The following SDK1 variants were observed in gnomAD, a reference collection of about 807,000 sequenced individuals.
SDK1 encodes the protein protein sidekick-1.
A neutral mutation model predicts 245.5 loss-of-function variants in SDK1; 157 were observed. The ratio of observed to expected loss-of-function variants is 0.64; its 90% CI spans 0.56 to 0.73. The LOEUF (loss-of-function observed/expected upper bound fraction) is 0.73. Among genes scored for constraint, SDK1 ranks in the 30% least tolerant of loss-of-function variants. The pLI, the probability that SDK1 is intolerant of heterozygous loss-of-function variation, is 0.00. For synonymous variants in SDK1, 1,647 were observed against 1,278.5 expected, an observed-to-expected ratio of 1.29 and a Z score of -6.15; for missense variants, 3,583 against 3,002.3, an observed-to-expected ratio of 1.19 and a Z score of -4.52.
rs553666335 is a variant in SDK1 at position 4,120,625 on chromosome 7, T to G, written c.3823+6351T>G. 1.0e-4 allele frequency among the ~76,000 whole-genome samples: 14 copies of G among 139,800 alleles called. 1 individual carries two copies. In the South Asian group the frequency reaches 3.4e-3, roughly 33 times the overall value. The allele number at this position is 139,800 out of a possible 152,430, so 91.7% of individuals were successfully genotyped here. A position where few individuals can be genotyped will look rare whatever the true frequency, so the allele number is the denominator to read the frequency against. ...GTTTTGATAATTTTTCAAATAATAC[T>G]CTTTTTTTTGAGGTGGAGTCTCACT... On this transcript the variant is annotated intron_variant, in intron 25 of 44. Coordinates refer to ENST00000404826, the MANE Select transcript of SDK1 (RefSeq NM_152744.4).
intron 4 of SDK1, among the ~76,000 whole-genome samples, chr7:3,798,633 C>G (rs899531299): frequency 1.2e-4 from 18 of 152,146 alleles, no homozygotes; most frequent in Non-Finnish European, 7.3e-5. Flanking sequence ...CACTTGGCGT[C>G]AACATGACTT....
chr7:3,824,711 A>G (rs1779729196), intron 5 of SDK1, among the ~76,000 whole-genome samples: 1 of 152,184 alleles, frequency 6.6e-6, no homozygotes, highest in Non-Finnish European at 1.5e-5. Context: ...CCCCTTTTCA[A>G]TTGCTAGATA....
chr7:4,182,148 T>C (rs1350042905), intron 35 of SDK1, among the ~76,000 whole-genome samples: 2 of 152,212 alleles, frequency 1.3e-5, no homozygotes, highest in Non-Finnish European at 2.9e-5. Context: ...CTCAATCTCC[T>C]GACCTCACAG....
chr7:3,377,248 T>G (rs946196969), intron 1 of SDK1, among the ~76,000 whole-genome samples: 1 of 152,166 alleles, frequency 6.6e-6, no homozygotes, highest in Non-Finnish European at 1.5e-5. Context: ...TTCATCTTGC[T>G]CCTTCCCTCC....
chr7:3,894,065 C>T (rs1167505716), intron 5 of SDK1, among the ~76,000 whole-genome samples: 1 of 152,078 alleles, frequency 6.6e-6, no homozygotes, highest in African/African-American at 2.4e-5. Flanking sequence ...CCGAGATTCC[C>T]CATTCTAAAT....
chr7:4,145,902 C>G lies in SDK1; in HGVS notation c.4409C>G (p.Thr1470Ser), dbSNP rs749003310. The change falls in exon 29 of 45, where the codon ACC becomes AGC. Residue 1470 changes from threonine (T) to serine (S), a missense_variant. Thr to Ser is a moderately conservative substitution (Grantham distance 58). Transcript: ENST00000404826. Reference sequence around the variant, plus strand: ...GAGCCACTGGAGGCCACCGTCATCACCACCGAGAAGAGAGGTAAGACCTTG... The same window carrying G: ...GAGCCACTGGAGGCCACCGTCATCAGCACCGAGAAGAGAGGTAAGACCTTG... ...WGEPLEATVI[T>S]TEKRERPAPP... The G allele has an allele frequency of 5.8e-5, 93 of 1,607,912 alleles. No homozygotes were observed. The highest frequency in any genetic ancestry group is 7.8e-5 in the Non-Finnish European group (92 of 1,177,366).
At chr7:4,105,643 C>G (rs1782853698) in intron 22 of SDK1, among the ~76,000 whole-genome samples, 1 of 152,190 alleles carries the variant, frequency 6.6e-6, no homozygotes, top group Admixed American at 6.5e-5. Context: ...TGACAGTGAT[C>G]TGCACTGTGC....
intron 4 of SDK1, among the ~76,000 whole-genome samples, chr7:3,771,576 T>C (rs1219417114): frequency 6.6e-6 from 1 of 152,204 alleles, no homozygotes; most frequent in Non-Finnish European, 1.5e-5. Flanking sequence ...TCATTTCTCT[T>C]TGATTCATAG....
At chr7:4,062,502 T>C (rs371323965) in intron 19 of SDK1, among the ~76,000 whole-genome samples, 256 of 152,270 alleles carry the variant, frequency 1.7e-3, no homozygotes, top group African/African-American at 5.9e-3. Flanking sequence ...GGCCAAGTGG[T>C]TTCACTGACA....
intron 1 of SDK1, among the ~76,000 whole-genome samples, chr7:3,487,709 C>T (rs1283096266): frequency 1.4e-5 from 2 of 139,122 alleles, no homozygotes; most frequent in Non-Finnish European, 3.0e-5. Context: ...GAGCTGTGAT[C>T]ATGCCCCTGC....
chr7:3,910,862 C>A (rs958278925), intron 5 of SDK1, among the ~76,000 whole-genome samples: 3 of 152,166 alleles, frequency 2.0e-5, no homozygotes, highest in Non-Finnish European at 4.4e-5. Flanking sequence ...TCCGGATAAT[C>A]GGCATTCTGT....
chr7:4,221,148 C>A (rs141025819), intron 39 of SDK1, 91 bp from the exon 40 acceptor site: 2 of 1,488,594 alleles, frequency 1.3e-6, no homozygotes, highest in Admixed American at 3.5e-5. Context: ...CAGCCTCGAC[C>A]GGTCTGACCC....
At chr7:4,056,334 A>G (rs923807233) in intron 19 of SDK1, among the ~76,000 whole-genome samples, 2 of 152,106 alleles carry the variant, frequency 1.3e-5, no homozygotes, top group African/African-American at 4.8e-5. Flanking sequence ...TTGGAGCCTG[A>G]ATGAGAGGGG....
intron 3 of SDK1, among the ~76,000 whole-genome samples, chr7:3,640,865 G>A (rs1782627169): frequency 6.6e-6 from 1 of 151,914 alleles, no homozygotes; most frequent in Non-Finnish European, 1.5e-5. Context: ...TGTATTTTTG[G>A]TAGAGATCGG....
chr7:3,329,218 A>G (rs917723458), intron 1 of SDK1, among the ~76,000 whole-genome samples: 3 of 152,118 alleles, frequency 2.0e-5, no homozygotes, highest in Non-Finnish European at 4.4e-5. Context: ...TACTCATTTA[A>G]GCTCCCAAAA....
intron 11 of SDK1, 59 bp from the exon 12 acceptor site, chr7:3,971,407 G>C (rs534236821): frequency 1.2e-5 from 15 of 1,214,532 alleles, no homozygotes; most frequent in Non-Finnish European, 1.8e-5. Context: ...TATCCCCCCT[G>C]AGGGCAGAAA....
intron 1 of SDK1, among the ~76,000 whole-genome samples, chr7:3,374,191 C>T (rs1364844493): frequency 1.3e-5 from 2 of 152,008 alleles, no homozygotes; most frequent in African/African-American, 4.8e-5. Context: ...AGAGCTGAGT[C>T]TGGAATCAGG....
chr7:3,846,226 A>G (rs534126685), intron 5 of SDK1, among the ~76,000 whole-genome samples: 41 of 152,306 alleles, frequency 2.7e-4, no homozygotes, highest in African/African-American at 8.7e-4. Context: ...AGGCAAGGAA[A>G]AATGTGCTGG....
chr7:3,773,957 G>A (rs952048403), intron 4 of SDK1, among the ~76,000 whole-genome samples: 1 of 152,186 alleles, frequency 6.6e-6, no homozygotes, highest in Non-Finnish European at 1.5e-5. Flanking sequence ...GCTCATGCCT[G>A]TAATCCCAGC....
Sources: gnomAD v4.1 joint callset for allele counts (sites outside exome capture counted in the v4.1 genomes callset) on GRCh38, gnomAD v4.1.1 for gene constraint, MANE v1.5 for transcripts, NCBI Gene and HGNC (gene_info 2026-07-23, HGNC 2026-07-21) for gene names.